The following PRRC1 variants were observed in gnomAD, a reference collection of about 807,000 sequenced individuals.
The protein encoded by PRRC1 is protein PRRC1.
A neutral mutation model predicts 40.7 loss-of-function variants in PRRC1; 39 were observed. The ratio of observed to expected loss-of-function variants is 0.96; its 90% CI spans 0.74 to 1.25. The LOEUF is 1.25. Ranked by LOEUF, PRRC1 falls within the 50% of genes most tolerant of loss-of-function variation. PRRC1 has a pLI of 0.00. For synonymous variants in PRRC1, 175 were observed against 193.3 expected, an observed-to-expected ratio of 0.91 and a Z score of 0.79; for missense variants, 573 against 548.3, an observed-to-expected ratio of 1.05 and a Z score of -0.45.
chr5:127,524,256 C>T (rs560270043), intron 2 of PRRC1: 13 of 315,454 alleles, frequency 4.1e-5, no homozygotes, highest in East Asian at 1.2e-4. Context: ...GATGAAAAAT[C>T]GCTTTATTTT....
At chr5:127,536,196 A>G (rs1767895974) in intron 6 of PRRC1, among the ~76,000 whole-genome samples, 1 of 152,118 alleles carries the variant, frequency 6.6e-6, no homozygotes, top group African/African-American at 2.4e-5. Flanking sequence ...GAGCCCTAGT[A>G]TACATTGCCA....
At position 127,554,989 on chromosome 5, in the gene PRRC1, G is replaced by A. The variant is rs1291968576; in HGVS notation, c.*3073G>A. ...TGGATTTTTATTCCCAGGATATGGT[G>A]TTCATTTTATGATATTACGCAGGAT... On this transcript the variant is annotated 3_prime_UTR_variant, in exon 9 of 9. Coordinates refer to ENST00000296666, the MANE Select transcript of PRRC1 (RefSeq NM_130809.5). 6.6e-6 allele frequency: 1 copy of A among 152,516 alleles called. No homozygotes were observed. Among genetic ancestry groups the A allele is most frequent in the East Asian group, 1.9e-4 (1 of 5,196 alleles). The allele number at this position is 152,516 out of a possible 1,614,324, so 9.4% of individuals were successfully genotyped here. A position where few individuals can be genotyped will look rare whatever the true frequency, so the allele number is the denominator to read the frequency against.
intron 6 of PRRC1, among the ~76,000 whole-genome samples, chr5:127,536,111 A>G (rs1767894081): frequency 6.6e-6 from 1 of 152,112 alleles, no homozygotes; most frequent in African/African-American, 2.4e-5. Flanking sequence ...GTCTGTCCTT[A>G]CACACAGAGC....
chr5:127,533,885 C>A, intron 6 of PRRC1, 99 bp downstream of exon 6: 1 of 1,262,992 alleles, frequency 7.9e-7, no homozygotes, highest in Non-Finnish European at 1.1e-6. Flanking sequence ...TAGACTTTTA[C>A]ATACTGAAAT....
intron 1 of PRRC1, among the ~76,000 whole-genome samples, chr5:127,520,824 G>T (rs1246956271): frequency 6.6e-6 from 1 of 152,100 alleles, no homozygotes; most frequent in East Asian, 1.9e-4. Flanking sequence ...ATACAAATAA[G>T]ATCTATAGTT....
intron 1 of PRRC1, among the ~76,000 whole-genome samples, chr5:127,522,015 T>C (rs913557826): frequency 5.9e-5 from 9 of 152,242 alleles, no homozygotes; most frequent in African/African-American, 2.2e-4. Context: ...TATTATTTGA[T>C]TGTTTCGTGT....
At chr5:127,518,211 C>T (rs910568770) in intron 1 of PRRC1, among the ~76,000 whole-genome samples, 3 of 152,222 alleles carry the variant, frequency 2.0e-5, no homozygotes, top group Admixed American at 6.5e-5. Context: ...AAGCCGCTGT[C>T]TCCTGAAACA....
Position 127,552,292 on chromosome 5 carries a change from A to ATGTT in PRRC1, c.*378_*381dup. The ATGTT allele has an allele frequency of 9.7e-7, 1 of 1,035,028 alleles. No homozygotes were observed. Among genetic ancestry groups the ATGTT allele is most frequent in the South Asian group, 3.6e-5 (1 of 27,988 alleles). 64.1% of individuals were successfully genotyped at this position (1,035,028 alleles called of 1,614,324 possible). A position where few individuals can be genotyped will look rare whatever the true frequency, so the allele number is the denominator to read the frequency against. ...CATTATTAAAGAACATGTTGGTTGA[A>ATGTT]TGTTTATAAAAGCATGATTTGCTTT... On this transcript the variant is annotated 3_prime_UTR_variant, in exon 9 of 9. Transcript: ENST00000296666.
At chr5:127,530,024 A>G (rs907155490) in intron 4 of PRRC1, among the ~76,000 whole-genome samples, 4 of 152,136 alleles carry the variant, frequency 2.6e-5, no homozygotes, top group African/African-American at 9.7e-5. Flanking sequence ...ATATATGTAT[A>G]TATAGTATAG....
chr5:127,524,801 C>A lies in PRRC1; in HGVS notation c.374C>A (p.Pro125His), dbSNP rs148088843. The change falls in exon 3 of 9, where the codon CCT becomes CAT. Residue 125 changes from proline (P) to histidine (H), a missense_variant. Pro to His is a moderately conservative substitution (Grantham distance 77). Coordinates refer to ENST00000296666, the MANE Select transcript of PRRC1 (RefSeq NM_130809.5). ...CCAAACACTCTTTTACCTGCACCCC[C>A]TTCGGGTCCTCCTATATCAGGATTT... ...SAPNTLLPAP[P>H]SGPPISGFSV... 6.2e-7 allele frequency: 1 copy of A among 1,614,204 alleles called. No homozygotes were observed.
At chr5:127,526,044 T>C (rs1767605102) in intron 3 of PRRC1, among the ~76,000 whole-genome samples, 1 of 152,162 alleles carries the variant, frequency 6.6e-6, no homozygotes, top group Non-Finnish European at 1.5e-5. Flanking sequence ...TTTGGAATAA[T>C]TGTTGCAAAT....
chr5:127,519,892 C>A (rs1190699452), intron 1 of PRRC1, among the ~76,000 whole-genome samples: 1 of 152,228 alleles, frequency 6.6e-6, no homozygotes, highest in African/African-American at 2.4e-5. Flanking sequence ...GAACATCAAA[C>A]ACATTGGCCT....
rs1252786275 is a variant in PRRC1 at position 127,543,663 on chromosome 5, G to A, written c.1026-4156G>A. On this transcript the variant is annotated intron_variant, in intron 7 of 8. Coordinates refer to ENST00000296666, the MANE Select transcript of PRRC1 (RefSeq NM_130809.5). ...GATACCCTTTCTTCCAGTTGATCGC[G>A]TCGGCTCCTGAGGCTTCTGCATTCT... Among the ~76,000 whole-genome samples the A allele has an allele frequency of 6.8e-3, 1,032 of 151,910 alleles. 13 individuals are homozygous for A. Among genetic ancestry groups the A allele is most frequent in the African/African-American group, 0.023 (967 of 41,382 alleles).
At position 127,555,050 on chromosome 5, in the gene PRRC1, AAT is replaced by A. The variant is rs1321581800; in HGVS notation, c.*3137_*3138del. ...GTAAAATCAGTTTTGTAAATATGTA[AAT>A]ATGTCATAAATAAACAATGCTTTGA... On this transcript the variant is annotated 3_prime_UTR_variant, in exon 9 of 9. Transcript: ENST00000296666. 2.0e-5 allele frequency: 3 copies of A among 152,610 alleles called. No individual in the cohort carries two copies. The highest frequency in any genetic ancestry group is 2.1e-4 in the South Asian group (1 of 4,836). The allele number at this position is 152,610 out of a possible 1,614,324, so 9.5% of individuals were successfully genotyped here. A position where few individuals can be genotyped will look rare whatever the true frequency, so the allele number is the denominator to read the frequency against.
In PRRC1 at chr5:127,552,394, G is replaced by C; in HGVS notation, c.*478G>C. ...TCTCAGGGCTGGTGCTGAGCAGCCT[G>C]CTCAACAGTCACTATAAGACACCTA... On this transcript the variant is annotated 3_prime_UTR_variant, in exon 9 of 9. Transcript: ENST00000296666. 6 of 996,298 alleles carry C rather than the reference G, an allele frequency of 6.0e-6. No individual in the cohort carries two copies. Among genetic ancestry groups the C allele is most frequent in the Non-Finnish European group, 7.2e-6 (6 of 835,592 alleles). The allele number at this position is 996,298 out of a possible 1,614,324, so 61.7% of individuals were successfully genotyped here. A position where few individuals can be genotyped will look rare whatever the true frequency, so the allele number is the denominator to read the frequency against.
chr5:127,519,920 C>T (rs1767415693), intron 1 of PRRC1, among the ~76,000 whole-genome samples: 1 of 152,202 alleles, frequency 6.6e-6, no homozygotes, highest in Non-Finnish European at 1.5e-5. Context: ...TGTTTCCTAT[C>T]TTTGTGCATG....
At position 127,530,410 on chromosome 5, in the gene PRRC1, T is replaced by G; in HGVS notation, c.757+14T>G. 2.5e-6 allele frequency: 4 copies of G among 1,592,576 alleles called. No homozygotes were observed. Among genetic ancestry groups the G allele is most frequent in the Non-Finnish European group, 3.4e-6 (4 of 1,163,756 alleles). On this transcript the variant is annotated intron_variant, in intron 5 of 8. Transcript: ENST00000296666. ...CTCCCTATATCAGTATGTACATAAG[T>G]TAGACCGGTATCTGCCATTTTTTTT... is the stretch of plus-strand genomic sequence containing the variant.
rs1768490914 is a variant in PRRC1 at position 127,555,063 on chromosome 5, TAAAC to T, written c.*3150_*3153del. Reference sequence around the variant, plus strand: ...TGTAAATATGTAAATATGTCATAAATAAACAATGCTTTGACTTATTTCCAAAGTT... The same window carrying T: ...TGTAAATATGTAAATATGTCATAAATAATGCTTTGACTTATTTCCAAAGTT... On this transcript the variant is annotated 3_prime_UTR_variant, in exon 9 of 9. Coordinates refer to ENST00000296666, the MANE Select transcript of PRRC1 (RefSeq NM_130809.5). 6.6e-6 allele frequency: 1 copy of T among 152,634 alleles called. No individual in the cohort carries two copies. Among genetic ancestry groups the T allele is most frequent in the South Asian group, 2.1e-4 (1 of 4,836 alleles). 9.5% of individuals were successfully genotyped at this position (152,634 alleles called of 1,614,324 possible).
chr5:127,535,138 A>G (rs2095059526), intron 6 of PRRC1, among the ~76,000 whole-genome samples: 1 of 152,202 alleles, frequency 6.6e-6, no homozygotes, highest in East Asian at 1.9e-4. Flanking sequence ...ACCTGTCAAT[A>G]CATAACTTTG....
Sources: gnomAD v4.1 joint callset for allele counts (sites outside exome capture counted in the v4.1 genomes callset) on GRCh38, gnomAD v4.1.1 for gene constraint, MANE v1.5 for transcripts, NCBI Gene and HGNC (gene_info 2026-07-23, HGNC 2026-07-21) for gene names.